Variants in UGT3A1 observed in about 807,000 individuals in gnomAD.
UGT3A1 encodes the protein UDP-glycosyltransferase 3A1.
Under a neutral mutation model 37.6 loss-of-function variants are expected in UGT3A1, and 40 were observed. That is an observed-to-expected ratio of 1.06 (90% CI 0.83 to 1.38). The LOEUF is 1.38. UGT3A1 is among the 40% of genes most tolerant of loss of function. The probability of loss-of-function intolerance (pLI) is 0.00; values close to 1 mark genes in which losing one functional copy is unlikely to be tolerated. For synonymous variants in UGT3A1, 256 were observed against 232.3 expected, an observed-to-expected ratio of 1.10 and a Z score of -0.93; for missense variants, 642 against 634.2, an observed-to-expected ratio of 1.01 and a Z score of -0.13.
intron 2 of UGT3A1, among the ~76,000 whole-genome samples, chr5:35,975,811 A>C (rs764432759): frequency 8.5e-5 from 13 of 152,318 alleles, no homozygotes; most frequent in Non-Finnish European, 1.3e-4. Context: ...CGTCATTTAC[A>C]TTAGGTATAT....
chr5:35,993,462 CA>C (rs34676179), upstream of UGT3A1, among the ~76,000 whole-genome samples: 333 of 139,526 alleles, frequency 2.4e-3, 2 homozygotes, highest in African/African-American at 6.1e-3. Context: ...GACTCCGTCT[CA>C]AAAAAAAAAA....
intron 1 of UGT3A1, among the ~76,000 whole-genome samples, chr5:35,998,529 C>T (rs559558859): frequency 1.3e-5 from 2 of 152,320 alleles, no homozygotes; most frequent in Admixed American, 1.3e-4. Context: ...TTTCCCACTA[C>T]AGTGATCTTA....
chr5:35,971,962 C>T (rs535115552), intron 2 of UGT3A1, among the ~76,000 whole-genome samples: 16 of 152,154 alleles, frequency 1.1e-4, no homozygotes, highest in African/African-American at 2.2e-4. Context: ...TTTCCTGCTG[C>T]GGGAGGAAAG....
intron 3 of UGT3A1, among the ~76,000 whole-genome samples, chr5:35,966,829 G>C (rs1318753917): frequency 6.6e-6 from 1 of 152,158 alleles, no homozygotes; most frequent in African/African-American, 2.4e-5. Context: ...TTCACATAAA[G>C]AAGGCCTACA....
chr5:35,985,028 A>G lies in UGT3A1; in HGVS notation c.196+3422T>C, dbSNP rs1740672058. 2.7e-5 allele frequency among the ~76,000 whole-genome samples: 4 copies of G among 150,846 alleles called. No homozygotes were observed. In the South Asian group the frequency reaches 8.3e-4, roughly 31 times the overall value. On this transcript the variant is annotated intron_variant, in intron 2 of 6. Transcript: ENST00000274278. ...TAGAGACAAACTTTTAGACTGAACCAATCTACTATTAATGGACTGATGAAT... is the reference window on the plus strand; with the variant it reads ...TAGAGACAAACTTTTAGACTGAACCGATCTACTATTAATGGACTGATGAAT...
At chr5:35,963,536 G>GA (rs541367290) in intron 4 of UGT3A1, among the ~76,000 whole-genome samples, 2 of 152,082 alleles carry the variant, frequency 1.3e-5, no homozygotes, top group Non-Finnish European at 2.9e-5. Flanking sequence ...ATTAGAAAAG[G>GA]AAAAAAATAA....
chr5:35,970,948 G>A (rs528278039), intron 2 of UGT3A1, among the ~76,000 whole-genome samples: 44 of 152,232 alleles, frequency 2.9e-4, no homozygotes, highest in Middle Eastern at 6.8e-3. Context: ...ATTAAAAATT[G>A]CTTACTACAT....
chr5:35,955,476 G>T, intron 6 of UGT3A1, 169 bp downstream of exon 6: 1 of 747,214 alleles, frequency 1.3e-6, no homozygotes, highest in Non-Finnish European at 2.2e-6. Flanking sequence ...ACCTAAATTA[G>T]TCTTCCTAGA....
At chr5:35,974,228 C>T (rs1580940824) in intron 2 of UGT3A1, among the ~76,000 whole-genome samples, 1 of 152,256 alleles carries the variant, frequency 6.6e-6, no homozygotes, top group East Asian at 1.9e-4. Flanking sequence ...TTTTCAGAGA[C>T]TGCTGAACAT....
At chr5:35,980,793 T>G (rs1353405247) in intron 2 of UGT3A1, among the ~76,000 whole-genome samples, 4 of 152,210 alleles carry the variant, frequency 2.6e-5, no homozygotes, top group African/African-American at 9.6e-5. Flanking sequence ...CCATAAATCT[T>G]AACAATATGA....
At chr5:35,983,761 C>T (rs1740622898) in intron 2 of UGT3A1, among the ~76,000 whole-genome samples, 1 of 152,122 alleles carries the variant, frequency 6.6e-6, no homozygotes, top group Non-Finnish European at 1.5e-5. Flanking sequence ...AATCAACAAA[C>T]ATGATACATC....
intron 2 of UGT3A1, among the ~76,000 whole-genome samples, chr5:35,983,484 C>A (rs1401866750): frequency 6.6e-6 from 1 of 152,006 alleles, no homozygotes; most frequent in African/African-American, 2.4e-5. Flanking sequence ...AATAACGAAA[C>A]CAATTCTACT....
At chr5:35,996,764 A>G (rs554744876) in intron 2 of UGT3A1, among the ~76,000 whole-genome samples, 1 of 152,356 alleles carries the variant, frequency 6.6e-6, no homozygotes, top group South Asian at 2.1e-4. Flanking sequence ...GTGACAAGGA[A>G]AGTGAAGTGG....
At chr5:35,995,020 C>T (rs576367153), upstream of UGT3A1, among the ~76,000 whole-genome samples, 1 of 152,262 alleles carries the variant, frequency 6.6e-6, no homozygotes, top group Admixed American at 6.5e-5. Context: ...ACTAAACAGC[C>T]AGAATGGAGG....
intron 1 of UGT3A1, among the ~76,000 whole-genome samples, 181 bp from the exon 2 acceptor site, chr5:35,988,732 T>G (rs559012973): frequency 6.6e-6 from 1 of 152,316 alleles, no homozygotes; most frequent in East Asian, 1.9e-4. Flanking sequence ...TAATGCCCAG[T>G]ACATGCACCC....
rs780025698 is a variant in UGT3A1 at position 35,955,795 on chromosome 5, C to T, written c.1145G>A (p.Gly382Asp). Residue 382 changes from glycine to aspartate, a missense_variant, in exon 6 of 7, where the codon GGT (glycine) becomes GAT (aspartate). Physicochemically the swap from Gly to Asp is moderately conservative, Grantham distance 94. Coordinates refer to ENST00000274278, the MANE Select transcript of UGT3A1 (RefSeq NM_152404.4). The stretch of plus-strand genomic sequence containing the variant: ...GACTGGTAATCCCACCATGGGCACA[C>T]CATGACGGATGGCCTCCATTACGCT... ...QNSVMEAIRH[G>D]VPMVGLPVNG... 9.3e-6 allele frequency: 15 copies of T among 1,614,214 alleles called. No individual in the cohort carries two copies. In the East Asian group the frequency reaches 3.1e-4, roughly 34 times the overall value.
At chr5:35,970,415 C>A (rs1487860943) in intron 2 of UGT3A1, among the ~76,000 whole-genome samples, 1 of 150,222 alleles carries the variant, frequency 6.7e-6, no homozygotes, top group Non-Finnish European at 1.5e-5. Flanking sequence ...GCCATCAGAT[C>A]TCGTAAGACT....
rs1739327073 is a variant in UGT3A1, at chr5:35,955,739, C to T, written c.1201G>A (p.Val401Ile). The change falls in exon 6 of 7, where the codon GTA becomes ATA. Residue 401 changes from valine to isoleucine, a missense_variant. Coordinates refer to ENST00000274278, the MANE Select transcript of UGT3A1 (RefSeq NM_152404.4). ...GAGACACCATAATTTTTGGCTACTA[C>T]TCGGACCATGTTTCCATGCTGGTCT... is the stretch of plus-strand genomic sequence containing the variant. Reference protein sequence around the residue: ...NGDQHGNMVRVVAKNYGVSIR... With the variant: ...NGDQHGNMVRIVAKNYGVSIR... The T allele has an allele frequency of 6.2e-7, 1 of 1,614,086 alleles. No homozygotes were observed. Among genetic ancestry groups the T allele is most frequent in the South Asian group, 1.1e-5 (1 of 91,088 alleles).
chr5:35,952,877 C>T lies in UGT3A1; in HGVS notation c.*1325G>A, dbSNP rs764411161. 2 of 152,318 alleles carry T rather than the reference C, an allele frequency of 1.3e-5. No individual in the cohort carries two copies. The highest frequency in any genetic ancestry group is 2.9e-5 in the Non-Finnish European group (2 of 68,030). The allele number at this position is 152,318 out of a possible 1,614,324, so 9.4% of individuals were successfully genotyped here. ...CATCCAGCACTCAGCTCTGCAGACTCGCAAGCAAATCCTTTCATGGAATTG... is the reference window on the plus strand; with the variant it reads ...CATCCAGCACTCAGCTCTGCAGACTTGCAAGCAAATCCTTTCATGGAATTG... On this transcript the variant is annotated 3_prime_UTR_variant, in exon 7 of 7. Coordinates refer to ENST00000274278, the MANE Select transcript of UGT3A1 (RefSeq NM_152404.4).
Sources: gnomAD v4.1 joint callset for allele counts (sites outside exome capture counted in the v4.1 genomes callset) on GRCh38, gnomAD v4.1.1 for gene constraint, MANE v1.5 for transcripts, NCBI Gene and HGNC (gene_info 2026-07-23, HGNC 2026-07-21) for gene names.